The following GALNT2 variants were observed in gnomAD, a reference collection of about 807,000 sequenced individuals.
The protein encoded by GALNT2 is UDP-GalNAc:polypeptide N-acetylgalactosaminyltransferase 2.
GALNT2 carries 31 observed loss-of-function variants against 81.4 expected under a neutral mutation model. The ratio of observed to expected loss-of-function variants is 0.38; its 90% CI spans 0.29 to 0.51. GALNT2 has a LOEUF of 0.51. GALNT2 is among the 20% of genes least tolerant of loss of function. The pLI is 0.87. For synonymous variants in GALNT2, 303 were observed against 287.4 expected (o/e 1.05, Z -0.55); for missense variants, 629 against 765.7 (o/e 0.82, Z 2.11).
chr1:230,200,384 G>A (rs1231995615), intron 2 of GALNT2, among the ~76,000 whole-genome samples: 1 of 152,118 alleles, frequency 6.6e-6, no homozygotes. Context: ...TTTGATTCTT[G>A]TCTGTCTCCC....
intron 1 of GALNT2, among the ~76,000 whole-genome samples, chr1:230,099,063 G>C (rs55808582): frequency 0.024 from 3,713 of 152,294 alleles, 160 homozygotes; most frequent in African/African-American, 0.085. Context: ...GCTTCATGTA[G>C]CCAAGGACTT....
intron 3 of GALNT2, among the ~76,000 whole-genome samples, chr1:230,221,882 C>T (rs768886188): frequency 6.6e-6 from 1 of 151,994 alleles, no homozygotes; most frequent in Non-Finnish European, 1.5e-5. Flanking sequence ...TATGTATATG[C>T]ACTTAAATCT....
intron 1 of GALNT2, among the ~76,000 whole-genome samples, chr1:230,171,400 A>T (rs542033936): frequency 1.8e-4 from 27 of 152,300 alleles, no homozygotes; most frequent in African/African-American, 6.3e-4. Flanking sequence ...CCAAAACTTG[A>T]GGGTTGCTGT....
intron 2 of GALNT2, among the ~76,000 whole-genome samples, chr1:230,195,022 C>T (rs956740181): frequency 2.6e-5 from 4 of 152,216 alleles, no homozygotes; most frequent in African/African-American, 9.6e-5. Flanking sequence ...CAGACTTGAT[C>T]TCCAAACTGA....
At chr1:230,206,277 A>AT (rs1263146992) in intron 3 of GALNT2, among the ~76,000 whole-genome samples, 4 of 151,796 alleles carry the variant, frequency 2.6e-5, no homozygotes, top group East Asian at 1.9e-4. Flanking sequence ...ATGTACGTAT[A>AT]TTTTTTTTCA....
At chr1:230,104,411 G>A (rs1034545324) in intron 1 of GALNT2, among the ~76,000 whole-genome samples, 3 of 152,170 alleles carry the variant, frequency 2.0e-5, no homozygotes, top group Non-Finnish European at 4.4e-5. Context: ...AGAGGCGGCT[G>A]TATTTTAGCC....
intron 1 of GALNT2, among the ~76,000 whole-genome samples, chr1:230,126,623 C>A (rs1037091751): frequency 6.6e-6 from 1 of 152,204 alleles, no homozygotes; most frequent in Non-Finnish European, 1.5e-5. Context: ...CAGCCTCACT[C>A]ACGTACCTCA....
intron 1 of GALNT2, among the ~76,000 whole-genome samples, chr1:230,146,957 G>A (rs559353862): frequency 1.3e-5 from 2 of 152,284 alleles, no homozygotes; most frequent in South Asian, 4.2e-4. Context: ...TGGCCGCACT[G>A]TGTGGGAGTC....
intron 1 of GALNT2, among the ~76,000 whole-genome samples, chr1:230,095,202 T>C (rs74145440): frequency 0.034 from 5,130 of 152,198 alleles, 298 homozygotes; most frequent in African/African-American, 0.12. Context: ...CGCGGGGCTG[T>C]GACACTGTCC....
intron 5 of GALNT2, 78 bp from the exon 6 acceptor site, chr1:230,236,582 A>G: frequency 6.8e-7 from 1 of 1,480,478 alleles, no homozygotes. Flanking sequence ...CCCTTAGATG[A>G]TTGAGAATAC....
At chr1:230,247,623 G>A (rs953746206) in intron 8 of GALNT2, among the ~76,000 whole-genome samples, 10 of 152,060 alleles carry the variant, frequency 6.6e-5, no homozygotes, top group East Asian at 5.8e-4. Flanking sequence ...CCAAGTATTC[G>A]AAGAGCTGAG....
upstream of GALNT2, among the ~76,000 whole-genome samples, chr1:230,066,408 C>A (rs914497236): frequency 6.6e-6 from 1 of 152,216 alleles, no homozygotes; most frequent in Non-Finnish European, 1.5e-5. Flanking sequence ...TTATTGCTTT[C>A]CTTCTTCCTC....
At chr1:230,059,371 T>C (rs1658990959) in intron 1 of GALNT2, among the ~76,000 whole-genome samples, 1 of 152,332 alleles carries the variant, frequency 6.6e-6, no homozygotes, top group South Asian at 2.1e-4. Flanking sequence ...TGCTGAACAG[T>C]ACTAGGGGCT....
At chr1:230,200,617 T>C (rs1663861839) in intron 2 of GALNT2, among the ~76,000 whole-genome samples, 1 of 152,126 alleles carries the variant, frequency 6.6e-6, no homozygotes, top group Non-Finnish European at 1.5e-5. Context: ...CACAAAGAGA[T>C]GTATGGGTGG....
At chr1:230,178,125 G>A in intron 1 of GALNT2, 93 bp from the exon 2 acceptor site, 1 of 975,470 alleles carries the variant, frequency 1.0e-6, no homozygotes, top group Non-Finnish European at 1.6e-6. Flanking sequence ...AGGGCCAAGT[G>A]TTAACTCTCC....
At chr1:230,132,406 C>T (rs567723703) in intron 1 of GALNT2, among the ~76,000 whole-genome samples, 20 of 152,326 alleles carry the variant, frequency 1.3e-4, no homozygotes, top group Non-Finnish European at 1.9e-4. Flanking sequence ...ATACTGGGAG[C>T]GTCACAGTGG....
chr1:230,137,957 C>T (rs935083114), intron 1 of GALNT2, among the ~76,000 whole-genome samples: 1 of 152,174 alleles, frequency 6.6e-6, no homozygotes, highest in South Asian at 2.1e-4. Context: ...GTTTTACAAG[C>T]AGTAGTGCTT....
intron 1 of GALNT2, among the ~76,000 whole-genome samples, chr1:230,109,066 A>G (rs960225247): frequency 6.6e-6 from 1 of 152,122 alleles, no homozygotes; most frequent in African/African-American, 2.4e-5. Flanking sequence ...GGACTATCCT[A>G]CTCTTCTCTA....
chr1:230,214,091 TTGTC>T (rs1305810305), intron 3 of GALNT2, among the ~76,000 whole-genome samples: 3 of 151,266 alleles, frequency 2.0e-5, no homozygotes, highest in African/African-American at 7.3e-5. Context: ...ATCCTTTTGT[TTGTC>T]TGAAAACATC....
Sources: allele counts gnomAD v4.1 joint callset (sites outside exome capture counted in the v4.1 genomes callset), GRCh38; gene constraint gnomAD v4.1.1; transcripts MANE v1.5; gene names NCBI Gene and HGNC (gene_info 2026-07-23, HGNC 2026-07-21).